The following ARL10 variants were observed in gnomAD, a reference collection of about 807,000 sequenced individuals.
ARL10 encodes ARF like GTPase 10.
Under a neutral mutation model 26.1 loss-of-function variants are expected in ARL10, and 23 were observed. The ratio of observed to expected loss-of-function variants is 0.88; its 90% CI spans 0.63 to 1.25. The LOEUF (loss-of-function observed/expected upper bound fraction) is 1.25, where lower values mean the gene tolerates loss of function less well. Ranked by LOEUF, ARL10 falls within the 50% of genes most tolerant of loss-of-function variation. The pLI, the probability that ARL10 is intolerant of heterozygous loss-of-function variation, is 0.00. For missense variants in ARL10, 300 were observed against 323.6 expected (o/e 0.93, Z 0.56); for synonymous variants, 138 against 149.1 (o/e 0.93, Z 0.54).
At chr5:176,410,743 A>G in the ARL10 span, among the ~76,000 whole-genome samples, 1 of 148,008 alleles carries the variant, frequency 6.8e-6, no homozygotes, top group Non-Finnish European at 1.5e-5. Flanking sequence ...CTGGATAAGG[A>G]AGAGAGGGGC....
At position 176,388,490 on chromosome 5, in the gene ARL10, A is replaced by T. The variant is rs201660459; in HGVS notation, c.232A>T (p.Thr78Ser). 3 of 1,614,162 alleles carry T rather than the reference A, an allele frequency of 1.9e-6. No homozygotes were observed. The Admixed American group carries it at 5.0e-5, about 27-fold the overall frequency. ...ATTCCGGTTCAGACGCTTTCGGTTG[A>T]CACTGTAACCAAACTTCTGCCTCCG... The change falls in exon 2 of 2, where the codon ACA becomes TCA. Residue 78 changes from threonine to serine, a missense_variant. By Grantham distance (58) the Thr-to-Ser change is moderately conservative. Coordinates refer to the ARL10 transcript ENST00000503175.
At chr5:176,410,287 C>T in the ARL10 span, 6 of 1,613,852 alleles carry the variant, frequency 3.7e-6, no homozygotes, top group Middle Eastern at 1.6e-4. Flanking sequence ...CTGTGGTCCC[C>T]ATGTCCTCAG....
rs765994335 is a variant in ARL10, at chr5:176,388,487, T to C, written c.229T>C (p.Leu77=). ...AGCATTCCGGTTCAGACGCTTTCGG[T>C]TGACACTGTAACCAAACTTCTGCCT... The change falls in exon 2 of 2, where the codon TTG becomes CTG. Residue 77 remains leucine, a synonymous_variant. Transcript: ENST00000503175. 1.9e-6 allele frequency: 3 copies of C among 1,614,196 alleles called. No individual in the cohort carries two copies. The South Asian group carries it at 3.3e-5, about 18-fold the overall frequency.
At chr5:176,389,599 GCCC>G, downstream of ARL10, 4 of 1,283,622 alleles carry the variant, frequency 3.1e-6, no homozygotes, top group Non-Finnish European at 4.3e-6. Context: ...CCTTTGAGAG[GCCC>G]ATGTGTCGCT....
rs1160597188 is a variant in ARL10, at chr5:176,375,232, CCATCCAT to C, written c.*3339_*3345del. 4.2e-4 allele frequency: 60 copies of C among 141,566 alleles called. No individual in the cohort carries two copies. The highest frequency in any genetic ancestry group is 1.6e-3 in the African/African-American group (58 of 37,288). 8.8% of individuals were successfully genotyped at this position (141,566 alleles called of 1,614,324 possible). A position where few individuals can be genotyped will look rare whatever the true frequency, so the allele number is the denominator to read the frequency against. On this transcript the variant is annotated 3_prime_UTR_variant, in exon 4 of 4. Transcript: ENST00000310389. ...CTCATCCACCCATCCACCCATCCAT[CCATCCAT>C]CCATCCATCCTTCCATCCATCCACC... is the stretch of plus-strand genomic sequence containing the variant.
intron 3 of ARL10, chr5:176,369,240 G>GC: frequency 7.9e-7 from 1 of 1,268,468 alleles, no homozygotes; most frequent in Non-Finnish European, 1.0e-6. Flanking sequence ...TTTTGTTTTT[G>GC]TTTTTTTTTT....
rs1384166541 is a variant in ARL10 at position 176,393,890 on chromosome 5, C to T, written c.134-7851C>T. 6.6e-6 allele frequency among the ~76,000 whole-genome samples: 1 copy of T among 152,168 alleles called. No individual in the cohort carries two copies. The highest frequency in any genetic ancestry group is 1.5e-5 in the Non-Finnish European group (1 of 68,020). ...GAGCTGGGTCTATGTCCTGTTTGGC[C>T]AGCGAGGGTCGCTCACAAGTCCCTG... On this transcript the variant is annotated intron_variant, in intron 1 of 1. Coordinates refer to the ARL10 transcript ENST00000514533. This position sits in a 1 kb window ranked among gnomAD's most constrained non-coding sequence, Gnocchi z 4.4.
chr5:176,398,363 G>A (rs762585128), intron 1 of ARL10, among the ~76,000 whole-genome samples: 14 of 152,104 alleles, frequency 9.2e-5, no homozygotes, highest in Non-Finnish European at 1.6e-4. Context: ...TCATAAAATG[G>A]GCTAAATAAC....
chr5:176,406,766 T>C (rs1298854120), downstream of ARL10: 2 of 1,234,154 alleles, frequency 1.6e-6, no homozygotes, highest in Admixed American at 2.5e-5. Context: ...CTTGAAAGTG[T>C]TGGGTGTGCA....
chr5:176,381,312 G>A lies in ARL10; in HGVS notation c.*9417G>A, dbSNP rs1039501903. The A allele has an allele frequency of 3.3e-5, 5 of 152,122 alleles. No individual in the cohort carries two copies. The highest frequency in any genetic ancestry group is 7.3e-5 in the Non-Finnish European group (5 of 68,030). The allele number at this position is 152,122 out of a possible 1,614,324, so 9.4% of individuals were successfully genotyped here. Reference sequence around the variant, plus strand: ...ACTATGACCTCCAGTTGCTGTGAGGGGTCAGTGGGCACAATGGGCCCTGGC... The same window carrying A: ...ACTATGACCTCCAGTTGCTGTGAGGAGTCAGTGGGCACAATGGGCCCTGGC... On this transcript the variant is annotated 3_prime_UTR_variant, in exon 4 of 4. Transcript: ENST00000310389.
At chr5:176,413,107 C>A in the ARL10 span, among the ~76,000 whole-genome samples, 1 of 152,170 alleles carries the variant, frequency 6.6e-6, no homozygotes, top group Non-Finnish European at 1.5e-5. Context: ...CCACACACAC[C>A]TACACAGCAT....
downstream of ARL10, chr5:176,388,961 G>C: frequency 6.2e-7 from 1 of 1,614,130 alleles, no homozygotes; most frequent in South Asian, 1.1e-5. Context: ...CGAGAACCCG[G>C]TGGTACCCAT....
chr5:176,365,691 G>T lies in ARL10; in HGVS notation c.128G>T (p.Gly43Val). The change falls in exon 1 of 4, where the codon GGA becomes GTA. Residue 43 changes from glycine to valine, a missense_variant. Transcript: ENST00000310389. ...GRGRERRWDR[G>V]EAWWGAEAAR... Reference sequence around the variant, plus strand: ...GGCCGAGAGCGGCGCTGGGACCGGGGAGAGGCCTGGTGGGGCGCGGAGGCT... The same window carrying T: ...GGCCGAGAGCGGCGCTGGGACCGGGTAGAGGCCTGGTGGGGCGCGGAGGCT... The T allele has an allele frequency of 8.0e-7, 1 of 1,244,104 alleles. No homozygotes were observed. Among genetic ancestry groups the T allele is most frequent in the Non-Finnish European group, 1.0e-6 (1 of 992,762 alleles). The allele number at this position is 1,244,104 out of a possible 1,614,324, so 77.1% of individuals were successfully genotyped here.
At chr5:176,394,492 T>C (rs909656321) in intron 1 of ARL10, among the ~76,000 whole-genome samples, 1 of 151,788 alleles carries the variant, frequency 6.6e-6, no homozygotes. Flanking sequence ...GCCAACATGG[T>C]GAAACCCCAT....
downstream of ARL10, chr5:176,384,669 C>T: frequency 2.3e-6 from 1 of 435,438 alleles, no homozygotes; most frequent in Non-Finnish European, 4.1e-6. Flanking sequence ...ACTTGGGAGG[C>T]CGAGGCAGGA....
Position 176,377,093 on chromosome 5 carries a change from A to G in ARL10, c.*5198A>G, listed in dbSNP as rs1375505428. 2 of 152,202 alleles carry G rather than the reference A, an allele frequency of 1.3e-5. No homozygotes were observed. Among genetic ancestry groups the G allele is most frequent in the Non-Finnish European group, 2.9e-5 (2 of 68,040 alleles). The allele number at this position is 152,202 out of a possible 1,614,324, so 9.4% of individuals were successfully genotyped here. ...TGTTAGGAGCACAGGCTTTCTAGTA[A>G]CTATTTCATAGGGGTCAATCTGTGT... On this transcript the variant is annotated 3_prime_UTR_variant, in exon 4 of 4. Coordinates refer to ENST00000310389, the MANE Select transcript of ARL10 (RefSeq NM_173664.6). The surrounding 1 kb of genome is among the most constrained non-coding windows in gnomAD (Gnocchi z 4.5).
chr5:176,403,388 TA>T (rs1266761382), downstream of ARL10, among the ~76,000 whole-genome samples: 3 of 151,728 alleles, frequency 2.0e-5, no homozygotes, highest in Non-Finnish European at 1.5e-5. Flanking sequence ...AACTTGCATT[TA>T]AAGGGCTTTC....
rs1256312375 is a variant in ARL10, at chr5:176,372,574, A to AGGCCT, written c.*686_*690dup. On this transcript the variant is annotated 3_prime_UTR_variant, in exon 4 of 4. Transcript: ENST00000310389. Reference sequence around the variant, plus strand: ...GACCTCCCTGCCTTTCCCTGAGCCCAGGCCTGGCCTGCCAGCCTCTCTTGA... The same window carrying AGGCCT: ...GACCTCCCTGCCTTTCCCTGAGCCCAGGCCTGGCCTGGCCTGCCAGCCTCTCTTGA... 6.0e-5 allele frequency: 13 copies of AGGCCT among 216,892 alleles called. No individual in the cohort carries two copies. The highest frequency in any genetic ancestry group is 1.2e-4 in the Non-Finnish European group (13 of 110,954). 13.4% of individuals were successfully genotyped at this position (216,892 alleles called of 1,614,324 possible). A position where few individuals can be genotyped will look rare whatever the true frequency, so the allele number is the denominator to read the frequency against.
At chr5:176,390,057 C>T (rs1323233483), downstream of ARL10, among the ~76,000 whole-genome samples, 2 of 151,774 alleles carry the variant, frequency 1.3e-5, no homozygotes, top group Non-Finnish European at 2.9e-5. Context: ...TGTTGCGTGC[C>T]TGTAATCCCA....
Sources: gnomAD v4.1 joint callset for allele counts (sites outside exome capture counted in the v4.1 genomes callset) on GRCh38, gnomAD v4.1.1 for gene constraint, Gnocchi (gnomAD v3.1) non-coding constraint, MANE v1.5 for transcripts, NCBI Gene and HGNC (gene_info 2026-07-23, HGNC 2026-07-21) for gene names.